STK38L: variants seen among roughly 807,000 people sequenced by gnomAD.
STK38L encodes the protein serine/threonine-protein kinase 38-like.
STK38L carries 28 observed loss-of-function variants against 59.7 expected under a neutral mutation model. That is an observed-to-expected ratio of 0.47 (90% CI 0.35 to 0.64). The LOEUF (loss-of-function observed/expected upper bound fraction) is 0.64. STK38L is among the 30% of genes least tolerant of loss of function. STK38L has a pLI of 0.01. For synonymous variants in STK38L, 162 were observed against 176.8 expected, an observed-to-expected ratio of 0.92 and a Z score of 0.66; for missense variants, 314 against 555.8, an observed-to-expected ratio of 0.56 and a Z score of 4.37.
intron 1 of STK38L, among the ~76,000 whole-genome samples, chr12:27,265,341 A>T (rs1291879956): frequency 6.6e-6 from 1 of 152,084 alleles, no homozygotes; most frequent in African/African-American, 2.4e-5. Flanking sequence ...TAATTTTCCC[A>T]TGTCATGAAT....
intron 1 of STK38L, among the ~76,000 whole-genome samples, chr12:27,287,048 A>T (rs936046659): frequency 6.6e-6 from 1 of 151,200 alleles, no homozygotes; most frequent in Non-Finnish European, 1.5e-5. Flanking sequence ...AAAGCTATGT[A>T]TGAGCTTACT....
intron 1 of STK38L, among the ~76,000 whole-genome samples, chr12:27,254,779 G>A (rs1943054396): frequency 6.6e-6 from 1 of 152,126 alleles, no homozygotes; most frequent in African/African-American, 2.4e-5. Flanking sequence ...CGGGCTTGTG[G>A]GGTGGTAGGG....
In STK38L at chr12:27,322,494, TA is replaced by T; in HGVS notation, c.*40del. On this transcript the variant is annotated 3_prime_UTR_variant, in exon 14 of 14. Coordinates refer to ENST00000389032, the MANE Select transcript of STK38L (RefSeq NM_015000.4). ...TCACCCATAACCAAGAGAACTCAGG[TA>T]GCTGCATCACCAGGCTTGCTTGGCG... 1 of 1,598,434 alleles carries T rather than the reference TA, an allele frequency of 6.3e-7. No individual in the cohort carries two copies. The highest frequency in any genetic ancestry group is 2.2e-5 in the East Asian group (1 of 44,816).
chr12:27,315,984 A>C (rs950370423), intron 9 of STK38L, among the ~76,000 whole-genome samples: 7 of 152,178 alleles, frequency 4.6e-5, no homozygotes, highest in Admixed American at 4.6e-4. Context: ...AACAGTCTAC[A>C]GGTTAAGAAT....
At chr12:27,309,808 G>T (rs1203265322) in intron 5 of STK38L, among the ~76,000 whole-genome samples, 1 of 152,174 alleles carries the variant, frequency 6.6e-6, no homozygotes, top group Non-Finnish European at 1.5e-5. Flanking sequence ...ATAAAGGACA[G>T]TTCTCAGCTC....
intron 1 of STK38L, among the ~76,000 whole-genome samples, chr12:27,296,028 C>T (rs1944011720): frequency 6.6e-6 from 1 of 152,190 alleles, no homozygotes; most frequent in Non-Finnish European, 1.5e-5. Context: ...AAGTTGGAAT[C>T]CTGACTCCAC....
In STK38L at chr12:27,317,327, C is replaced by T. The variant is rs762539558; in HGVS notation, c.838-9C>T. 1.4e-5 allele frequency: 23 copies of T among 1,589,488 alleles called. No homozygotes were observed. Among genetic ancestry groups the T allele is most frequent in the Non-Finnish European group, 2.0e-5 (23 of 1,166,870 alleles). On this transcript the variant is annotated splice_polypyrimidine_tract_variant and intron_variant, in intron 9 of 13. Coordinates refer to ENST00000389032, the MANE Select transcript of STK38L (RefSeq NM_015000.4). ...AAGAATGCTGGTTTGACGAGTTGCT[C>T]CTTTGTAGGCATATTCCACAGTTGG...
intron 1 of STK38L, among the ~76,000 whole-genome samples, chr12:27,292,998 TG>T (rs1359222546): frequency 6.6e-6 from 1 of 152,178 alleles, no homozygotes; most frequent in Non-Finnish European, 1.5e-5. Flanking sequence ...TGGAGTCCAG[TG>T]GCTATGCATA....
In STK38L at chr12:27,308,117, T is replaced by C. The variant is rs893925270; in HGVS notation, c.187-222T>C. Among the ~76,000 whole-genome samples the C allele has an allele frequency of 6.1e-5, 9 of 148,394 alleles. No homozygotes were observed. Among genetic ancestry groups the C allele is most frequent in the Non-Finnish European group, 1.0e-4 (7 of 66,868 alleles). ...ATACATATATATATATATAGACAAATATGATGGACTGAATTACATATTTAA... is the reference window on the plus strand; with the variant it reads ...ATACATATATATATATATAGACAAACATGATGGACTGAATTACATATTTAA... On this transcript the variant is annotated intron_variant, in intron 3 of 13. Transcript: ENST00000389032. The surrounding 1 kb of genome is among the most constrained non-coding windows in gnomAD (Gnocchi z 4.5).
chr12:27,262,125 C>A (rs1353154210), intron 1 of STK38L, among the ~76,000 whole-genome samples: 2 of 152,174 alleles, frequency 1.3e-5, no homozygotes, highest in East Asian at 3.9e-4. Context: ...GTTTGTGTAC[C>A]ATTTGTACCA....
chr12:27,277,877 C>A (rs1943571587), intron 1 of STK38L, among the ~76,000 whole-genome samples: 1 of 151,958 alleles, frequency 6.6e-6, no homozygotes, highest in African/African-American at 2.4e-5. Flanking sequence ...GAAAGAATTG[C>A]CTCTTTCCAC....
intron 3 of STK38L, among the ~76,000 whole-genome samples, chr12:27,306,443 A>G (rs1944314699): frequency 6.6e-6 from 1 of 152,162 alleles, no homozygotes; most frequent in African/African-American, 2.4e-5. Flanking sequence ...AAAATTTAAA[A>G]TCAGATACTT....
chr12:27,289,136 A>G (rs898361455), intron 1 of STK38L, among the ~76,000 whole-genome samples: 2 of 152,220 alleles, frequency 1.3e-5, no homozygotes, highest in Non-Finnish European at 2.9e-5. Flanking sequence ...AATCTAGTGC[A>G]CTACCAGATA....
At chr12:27,257,734 A>G (rs1237549915) in intron 1 of STK38L, among the ~76,000 whole-genome samples, 1 of 152,178 alleles carries the variant, frequency 6.6e-6, no homozygotes, top group African/African-American at 2.4e-5. Flanking sequence ...TGAGCCAACT[A>G]GTACAGTGTA....
chr12:27,252,116 A>G (rs1334439071), intron 1 of STK38L, among the ~76,000 whole-genome samples: 2 of 152,122 alleles, frequency 1.3e-5, no homozygotes, highest in East Asian at 1.9e-4. Flanking sequence ...AGTAGCTGGG[A>G]CTACAGGTGC....
intron 1 of STK38L, among the ~76,000 whole-genome samples, chr12:27,272,581 C>A (rs1302222897): frequency 6.6e-6 from 1 of 152,198 alleles, no homozygotes; most frequent in Admixed American, 6.5e-5. Flanking sequence ...GAAGTCCAGA[C>A]TTCTGCCTGG....
At chr12:27,254,330 A>AT (rs1477861432) in intron 1 of STK38L, among the ~76,000 whole-genome samples, 3 of 152,114 alleles carry the variant, frequency 2.0e-5, no homozygotes, top group African/African-American at 4.8e-5. Flanking sequence ...AAGCCTTATT[A>AT]TTTTTTAAAA....
intron 1 of STK38L, among the ~76,000 whole-genome samples, chr12:27,249,372 C>G (rs1052724800): frequency 6.6e-6 from 1 of 152,182 alleles, no homozygotes; most frequent in Non-Finnish European, 1.5e-5. Context: ...GAGTTTCACT[C>G]TTGTTGCCAA....
In STK38L at chr12:27,322,729, T is replaced by A. The variant is rs1944761225; in HGVS notation, c.*274T>A. The A allele has an allele frequency of 3.6e-6, 1 of 275,184 alleles. No homozygotes were observed. The highest frequency in any genetic ancestry group is 6.7e-6 in the Non-Finnish European group (1 of 148,290). 17.0% of individuals were successfully genotyped at this position (275,184 alleles called of 1,614,324 possible). On this transcript the variant is annotated 3_prime_UTR_variant, in exon 14 of 14. Transcript: ENST00000389032. ...AACAGACATCCCTTTCTAACTGCACTGCCTACATGCGTATTAAGGTCCATT... is the reference window on the plus strand; with the variant it reads ...AACAGACATCCCTTTCTAACTGCACAGCCTACATGCGTATTAAGGTCCATT...
Sources: gnomAD v4.1 joint callset for allele counts (sites outside exome capture counted in the v4.1 genomes callset) on GRCh38, gnomAD v4.1.1 for gene constraint, Gnocchi (gnomAD v3.1) non-coding constraint, MANE v1.5 for transcripts, NCBI Gene and HGNC (gene_info 2026-07-23, HGNC 2026-07-21) for gene names.